The following BCKDHB variants were observed in gnomAD, a reference collection of about 807,000 sequenced individuals.
BCKDHB encodes the protein branched chain keto acid dehydrogenase E1 subunit beta.
In BCKDHB, 41 loss-of-function variants were observed where a neutral mutation model predicts 48.5. That is an observed-to-expected ratio of 0.85 (90% CI 0.66 to 1.10). The LOEUF is 1.10. Among genes scored for constraint, BCKDHB ranks in the 50% least tolerant of loss-of-function variants. BCKDHB has a pLI of 0.00. For synonymous variants in BCKDHB, 201 were observed against 174.8 expected (o/e 1.15, Z -1.18); for missense variants, 496 against 494.2 (o/e 1.00, Z -0.03).
At chr6:80,265,167 A>G (rs981382212) in intron 8 of BCKDHB, among the ~76,000 whole-genome samples, 1 of 152,130 alleles carries the variant, frequency 6.6e-6, no homozygotes, top group African/African-American at 2.4e-5. Context: ...AAAATATTAA[A>G]CAATTATGGC....
intron 9 of BCKDHB, among the ~76,000 whole-genome samples, chr6:80,336,969 C>A (rs1451710104): frequency 6.6e-6 from 1 of 151,940 alleles, no homozygotes; most frequent in Non-Finnish European, 1.5e-5. Context: ...CTTTATTTTT[C>A]AAACATGATA....
intron 8 of BCKDHB, among the ~76,000 whole-genome samples, chr6:80,233,226 A>C (rs806783): frequency 0.33 from 50,064 of 152,004 alleles, 8,895 homozygotes; most frequent in Non-Finnish European, 0.41. Flanking sequence ...GGAACGGATA[A>C]AAATTCCATT....
At chr6:80,403,175 C>T in the BCKDHB span, among the ~76,000 whole-genome samples, 2 of 151,794 alleles carry the variant, frequency 1.3e-5, no homozygotes, top group African/African-American at 4.8e-5. Flanking sequence ...ATTGCATTGA[C>T]TCTCTAGATC....
intron 3 of BCKDHB, among the ~76,000 whole-genome samples, chr6:80,149,842 G>A (rs566934841): frequency 7.5e-6 from 1 of 132,964 alleles, no homozygotes; most frequent in Non-Finnish European, 1.6e-5. Context: ...ATGGGGGGAG[G>A]GGGGAGGGAT....
chr6:80,407,871 G>A, the BCKDHB span, among the ~76,000 whole-genome samples: 2 of 152,136 alleles, frequency 1.3e-5, no homozygotes, highest in African/African-American at 4.8e-5. Context: ...GATTGCCCTG[G>A]CTGGAACTTC....
At chr6:80,154,750 T>C (rs1265057203) in intron 3 of BCKDHB, among the ~76,000 whole-genome samples, 1 of 152,214 alleles carries the variant, frequency 6.6e-6, no homozygotes, top group Non-Finnish European at 1.5e-5. Context: ...TTTTGATAAC[T>C]ATGATAATTC....
At chr6:80,147,559 A>G (rs2127749282) in intron 3 of BCKDHB, among the ~76,000 whole-genome samples, 1 of 152,310 alleles carries the variant, frequency 6.6e-6, no homozygotes, top group African/African-American at 2.4e-5. Flanking sequence ...GTAATTTAAA[A>G]CATAACTGTG....
At chr6:80,293,714 A>G (rs1711797864) in intron 9 of BCKDHB, among the ~76,000 whole-genome samples, 1 of 152,074 alleles carries the variant, frequency 6.6e-6, no homozygotes, top group Admixed American at 6.5e-5. Context: ...CCAAACTTTT[A>G]TGCTCTGTTT....
chr6:80,455,671 A>G, the BCKDHB span, among the ~76,000 whole-genome samples: 2 of 151,982 alleles, frequency 1.3e-5, no homozygotes, highest in South Asian at 4.2e-4. Context: ...CCCCTACAGG[A>G]CCGGATCCCT....
In BCKDHB at chr6:80,343,702, A is replaced by C. The variant is rs398124564; in HGVS notation, c.1077A>C (p.Arg359Ser). Residue 359 changes from arginine (R) to serine (S), a missense_variant, in exon 10 of 10, where the codon AGA becomes AGC. Arg to Ser is a moderately radical substitution (Grantham distance 110, BLOSUM62 -1). Transcript: ENST00000320393. ...CFLNLEAPIS[R>S]VCGYDTPFPH... ...TGAACCTAGAGGCTCCTATATCAAG[A>C]GTATGTGGTTATGACACACCATTTC... 1 of 1,614,032 alleles carries C rather than the reference A, an allele frequency of 6.2e-7. No individual in the cohort carries two copies. The highest frequency in any genetic ancestry group is 8.5e-7 in the Non-Finnish European group (1 of 1,179,950).
At chr6:80,153,980 G>T (rs1048311374) in intron 3 of BCKDHB, among the ~76,000 whole-genome samples, 2 of 152,054 alleles carry the variant, frequency 1.3e-5, no homozygotes, top group African/African-American at 4.8e-5. Context: ...CAGCCTTCTT[G>T]GTTTGCTTCC....
At chr6:80,176,845 A>G (rs1329029554) in intron 6 of BCKDHB, among the ~76,000 whole-genome samples, 1 of 152,214 alleles carries the variant, frequency 6.6e-6, no homozygotes, top group East Asian at 1.9e-4. Flanking sequence ...AGCTCCGAGT[A>G]AAAGATAGAA....
At chr6:80,213,373 A>G (rs1021108518) in intron 8 of BCKDHB, among the ~76,000 whole-genome samples, 2 of 152,212 alleles carry the variant, frequency 1.3e-5, no homozygotes, top group African/African-American at 4.8e-5. Context: ...TGAAAGGCAA[A>G]GTGAAATTGA....
At chr6:80,376,395 C>A in the BCKDHB span, among the ~76,000 whole-genome samples, 757 of 152,272 alleles carry the variant, frequency 5.0e-3, 4 homozygotes, top group African/African-American at 0.017. Context: ...TATTTCCAGG[C>A]AACTAGTAAG....
At chr6:80,256,471 C>T (rs1293408552) in intron 8 of BCKDHB, among the ~76,000 whole-genome samples, 2 of 152,074 alleles carry the variant, frequency 1.3e-5, no homozygotes, top group Admixed American at 6.6e-5. Context: ...AGTCAAAATA[C>T]GGTTTATAAT....
chr6:80,465,789 G>A, the BCKDHB span: 1 of 152,178 alleles, frequency 6.6e-6, no homozygotes, highest in Non-Finnish European at 1.5e-5. Flanking sequence ...TGCCGATAGG[G>A]AAGTAGGAGA....
chr6:80,432,590 C>G, the BCKDHB span, among the ~76,000 whole-genome samples: 2 of 151,992 alleles, frequency 1.3e-5, no homozygotes, highest in Non-Finnish European at 2.9e-5. Flanking sequence ...AACCTTTTTT[C>G]AAGGTTCTTC....
chr6:80,153,895 A>G (rs1771913219), intron 3 of BCKDHB, among the ~76,000 whole-genome samples: 2 of 152,222 alleles, frequency 1.3e-5, no homozygotes, highest in African/African-American at 4.8e-5. Context: ...GCTTTTAAGC[A>G]CTGTAGTAAC....
intron 8 of BCKDHB, chr6:80,251,807 A>G (rs1776850922): frequency 1.3e-5 from 2 of 152,222 alleles, no homozygotes; most frequent in African/African-American, 4.8e-5. Flanking sequence ...TAAGTTATTA[A>G]GAATCAAATC....
Sources: allele counts gnomAD v4.1 joint callset (sites outside exome capture counted in the v4.1 genomes callset), GRCh38; gene constraint gnomAD v4.1.1; transcripts MANE v1.5; gene names NCBI Gene and HGNC (gene_info 2026-07-23, HGNC 2026-07-21).